Variants in MIGA1 observed in about 807,000 individuals in gnomAD.
MIGA1 encodes family with sequence similarity 73, member A.
Under a neutral mutation model 82.0 loss-of-function variants are expected in MIGA1, and 58 were observed. The ratio of observed to expected loss-of-function variants is 0.71; its 90% CI spans 0.57 to 0.88. The LOEUF is 0.88. Among genes scored for constraint, MIGA1 ranks in the 40% least tolerant of loss-of-function variants. The probability of loss-of-function intolerance (pLI) is 0.00; values close to 1 mark genes in which losing one functional copy is unlikely to be tolerated. For synonymous variants in MIGA1, 249 were observed against 253.6 expected (o/e 0.98, Z 0.17); for missense variants, 751 against 749.1 (o/e 1.00, Z -0.03).
intron 5 of MIGA1, chr1:77,811,313 A>T: frequency 6.2e-7 from 1 of 1,605,630 alleles, no homozygotes; most frequent in East Asian, 2.2e-5. Flanking sequence ...AACCTTGGTA[A>T]TAAAGTACCG....
intron 4 of MIGA1, among the ~76,000 whole-genome samples, chr1:77,805,087 T>A (rs1046201221): frequency 6.6e-6 from 1 of 150,400 alleles, no homozygotes; most frequent in Non-Finnish European, 1.5e-5. Context: ...CTCTGCCTCC[T>A]GGGTTCATGC....
At chr1:77,809,537 C>T (rs1683234743) in intron 5 of MIGA1, among the ~76,000 whole-genome samples, 1 of 151,748 alleles carries the variant, frequency 6.6e-6, no homozygotes. Context: ...AAGTACAAGA[C>T]CAACCTGGGG....
chr1:77,808,197 A>C (rs781656876), intron 5 of MIGA1, among the ~76,000 whole-genome samples: 1 of 150,162 alleles, frequency 6.7e-6, no homozygotes, highest in Non-Finnish European at 1.5e-5. Context: ...CAGGTTAGTT[A>C]CATATGTATA....
At position 77,879,269 on chromosome 1, in the gene MIGA1, A is replaced by G. The variant is rs1039868847; in HGVS notation, c.*4205A>G. The G allele has an allele frequency of 2.0e-5, 3 of 152,196 alleles. No individual in the cohort carries two copies. The highest frequency in any genetic ancestry group is 4.4e-5 in the Non-Finnish European group (3 of 68,026). 9.4% of individuals were successfully genotyped at this position (152,196 alleles called of 1,614,324 possible). A position where few individuals can be genotyped will look rare whatever the true frequency, so the allele number is the denominator to read the frequency against. ...TATGTGAAATTTAAGAATTTATATAATCTGTGATTAGTGGAAATAAGAACA... is the reference window on the plus strand; with the variant it reads ...TATGTGAAATTTAAGAATTTATATAGTCTGTGATTAGTGGAAATAAGAACA... On this transcript the variant is annotated 3_prime_UTR_variant, in exon 16 of 16. Coordinates refer to ENST00000370791, the MANE Select transcript of MIGA1 (RefSeq NM_198549.4).
chr1:77,845,873 A>G (rs1192053016), intron 8 of MIGA1, among the ~76,000 whole-genome samples: 1 of 151,700 alleles, frequency 6.6e-6, no homozygotes, highest in Non-Finnish European at 1.5e-5. Flanking sequence ...TAGATCAATC[A>G]TTTGTGAAAG....
intron 8 of MIGA1, among the ~76,000 whole-genome samples, chr1:77,852,130 G>T (rs372322373): frequency 4.6e-5 from 7 of 151,960 alleles, no homozygotes; most frequent in South Asian, 4.2e-4. Flanking sequence ...AGTGATCTGC[G>T]CACGTCAACC....
In MIGA1 at chr1:77,875,053, A is replaced by G. The variant is rs890283285; in HGVS notation, c.1888A>G (p.Lys630Glu). The G allele has an allele frequency of 6.2e-7, 1 of 1,610,620 alleles. No individual in the cohort carries two copies. The highest frequency in any genetic ancestry group is 1.1e-5 in the South Asian group (1 of 90,952). The change falls in exon 16 of 16, where the codon AAA becomes GAA. Residue 630 changes from lysine (K) to glutamate (E), a missense_variant. Transcript: ENST00000370791. ...TATGTCCACTGGGCTACTGGAAGCCAAAGTACAATAAGTACCATAAGAATC... is the reference window on the plus strand; with the variant it reads ...TATGTCCACTGGGCTACTGGAAGCCGAAGTACAATAAGTACCATAAGAATC...
At chr1:77,829,156 A>C (rs941406520) in intron 7 of MIGA1, among the ~76,000 whole-genome samples, 1 of 151,484 alleles carries the variant, frequency 6.6e-6, no homozygotes, top group South Asian at 2.1e-4. Context: ...ATGGTGGCTC[A>C]TGCATGTAAT....
Position 77,875,077 on chromosome 1 carries a change from T to G in MIGA1, c.*13T>G. The G allele has an allele frequency of 6.6e-7, 1 of 1,515,586 alleles. No homozygotes were observed. The highest frequency in any genetic ancestry group is 1.2e-5 in the South Asian group (1 of 86,320). The allele number at this position is 1,515,586 out of a possible 1,614,324, so 93.9% of individuals were successfully genotyped here. Reference sequence around the variant, plus strand: ...CAAAGTACAATAAGTACCATAAGAATCATACAATTTGAGTGTGCTATGAAA... The same window carrying G: ...CAAAGTACAATAAGTACCATAAGAAGCATACAATTTGAGTGTGCTATGAAA... On this transcript the variant is annotated 3_prime_UTR_variant, in exon 16 of 16. Transcript: ENST00000370791.
chr1:77,848,574 AGAAG>A (rs1451760389), intron 8 of MIGA1: 11 of 1,361,796 alleles, frequency 8.1e-6, no homozygotes, highest in Non-Finnish European at 1.1e-5. Context: ...CAAAAGACAA[AGAAG>A]GAAACCAGGA....
chr1:77,834,332 T>C (rs1684350509), intron 7 of MIGA1, among the ~76,000 whole-genome samples: 1 of 152,068 alleles, frequency 6.6e-6, no homozygotes, highest in South Asian at 2.1e-4. Flanking sequence ...CACACAACCA[T>C]GCCTGGCTAA....
chr1:77,823,342 G>A (rs1003611704), intron 7 of MIGA1, among the ~76,000 whole-genome samples: 5 of 152,092 alleles, frequency 3.3e-5, no homozygotes, highest in African/African-American at 1.2e-4. Context: ...TTCTAACACT[G>A]GATATGGTAA....
chr1:77,794,910 T>C (rs1682586939), intron 2 of MIGA1, among the ~76,000 whole-genome samples: 2 of 152,192 alleles, frequency 1.3e-5, no homozygotes, highest in South Asian at 4.1e-4. Flanking sequence ...GTAGAGACTT[T>C]GACACTGTAA....
At chr1:77,867,507 G>C (rs1685717155) in intron 14 of MIGA1, among the ~76,000 whole-genome samples, 1 of 151,908 alleles carries the variant, frequency 6.6e-6, no homozygotes, top group Non-Finnish European at 1.5e-5. Context: ...TTTTATTTTT[G>C]TGTACAGATG....
At chr1:77,870,027 A>G (rs1384092686) in intron 14 of MIGA1, among the ~76,000 whole-genome samples, 6 of 116,202 alleles carry the variant, frequency 5.2e-5, no homozygotes, top group African/African-American at 1.6e-4. Flanking sequence ...CTCACTTCCC[A>G]GTAGGGGCGG....
intron 14 of MIGA1, among the ~76,000 whole-genome samples, chr1:77,869,953 CGGGCG>C (rs1417003058): frequency 5.9e-5 from 8 of 134,480 alleles, no homozygotes; most frequent in Admixed American, 4.2e-4. Flanking sequence ...GGCGGCTGGC[CGGGCG>C]GGGGGCTGAC....
intron 2 of MIGA1, among the ~76,000 whole-genome samples, chr1:77,788,146 G>A (rs138726201): frequency 0.027 from 4,117 of 152,308 alleles, 82 homozygotes; most frequent in Middle Eastern, 0.099. Context: ...GGGATTATAG[G>A]CATGTGCCAG....
Position 77,813,737 on chromosome 1 carries a change from T to G in MIGA1, c.641T>G (p.Met214Arg). The G allele has an allele frequency of 6.2e-7, 1 of 1,613,796 alleles. No individual in the cohort carries two copies. The highest frequency in any genetic ancestry group is 8.5e-7 in the Non-Finnish European group (1 of 1,179,894). ...TTGTTCTGTTCTTAATTTTTAGGTA[T>G]GGAATTGTTTGAAGAGGCATTGCGT... The change falls in exon 6 of 16, where the codon ATG becomes AGG. Residue 214 changes from methionine (M) to arginine (R), a missense_variant. Physicochemically the swap from Met to Arg is moderately conservative, Grantham distance 91 (BLOSUM62 -1). Around this residue, in one of 3 missense-constraint regions of MIGA1, gnomAD observed 482 missense variants for 439.4 expected, o/e 1.10. Transcript: ENST00000370791.
intron 8 of MIGA1, among the ~76,000 whole-genome samples, chr1:77,851,392 G>T (rs1307710756): frequency 1.3e-5 from 2 of 151,990 alleles, no homozygotes; most frequent in African/African-American, 4.8e-5. Context: ...ATAGTAAATT[G>T]CATGTTCCAT....
Sources: allele counts gnomAD v4.1 joint callset (sites outside exome capture counted in the v4.1 genomes callset), GRCh38; gene constraint gnomAD v4.1.1; regional missense constraint gnomAD v4.1.1; transcripts MANE v1.5; gene names NCBI Gene and HGNC (gene_info 2026-07-23, HGNC 2026-07-21).